Variants in ARK2N observed in about 807,000 individuals in gnomAD.
ARK2N encodes the protein protein ARK2N.
chr18:46,194,138 G>C, the ARK2N span, among the ~76,000 whole-genome samples: 1 of 152,036 alleles, frequency 6.6e-6, no homozygotes, highest in Admixed American at 6.6e-5. Flanking sequence ...TTTTTGTATA[G>C]ATGGGGTCTG....
At chr18:46,176,709 C>G in the ARK2N span, among the ~76,000 whole-genome samples, 1 of 152,092 alleles carries the variant, frequency 6.6e-6, no homozygotes, top group Non-Finnish European at 1.5e-5. Context: ...CCTCCACCTC[C>G]TGGGTTCAAG....
the ARK2N span, among the ~76,000 whole-genome samples, chr18:46,181,475 G>C: frequency 8.1e-6 from 1 of 123,214 alleles, no homozygotes; most frequent in Non-Finnish European, 1.6e-5. Flanking sequence ...CAGCACTTTG[G>C]GAGGCTGAGG....
At chr18:46,238,110 T>C in the ARK2N span, among the ~76,000 whole-genome samples, 4 of 152,226 alleles carry the variant, frequency 2.6e-5, no homozygotes, top group Non-Finnish European at 4.4e-5. Context: ...TATACACTTA[T>C]ACTTTTTTGC....
chr18:46,249,744 A>G, the ARK2N span, among the ~76,000 whole-genome samples: 18 of 152,302 alleles, frequency 1.2e-4, no homozygotes, highest in African/African-American at 4.1e-4. Context: ...CCTCAAGCCC[A>G]TATTCCTTAC....
the ARK2N span, among the ~76,000 whole-genome samples, chr18:46,261,428 G>A: frequency 6.6e-6 from 1 of 152,200 alleles, no homozygotes; most frequent in Non-Finnish European, 1.5e-5. Context: ...TGTCCAATGA[G>A]ATAATATATG....
the ARK2N span, among the ~76,000 whole-genome samples, chr18:46,201,781 T>TTTC: frequency 1.4e-5 from 2 of 140,338 alleles, no homozygotes; most frequent in African/African-American, 5.7e-5. Flanking sequence ...TTTCTTTTCT[T>TTTC]TTTTTTTTTT....
the ARK2N span, among the ~76,000 whole-genome samples, chr18:46,174,550 C>T: frequency 2.0e-5 from 3 of 152,182 alleles, no homozygotes; most frequent in Non-Finnish European, 2.9e-5. Flanking sequence ...ACCTCTCCGA[C>T]CTCCTTGCTC....
chr18:46,193,485 C>T, the ARK2N span, among the ~76,000 whole-genome samples: 2 of 151,574 alleles, frequency 1.3e-5, no homozygotes, highest in Non-Finnish European at 2.9e-5. Flanking sequence ...GATGGGGTTT[C>T]ACCACGTTGG....
the ARK2N span, among the ~76,000 whole-genome samples, chr18:46,222,699 TG>T: frequency 6.6e-6 from 1 of 152,214 alleles, no homozygotes; most frequent in Non-Finnish European, 1.5e-5. Context: ...TTTTTGTCAT[TG>T]TTTTTTAATA....
chr18:46,263,424 A>G, the ARK2N span: 1 of 215,148 alleles, frequency 4.6e-6, no homozygotes, highest in Non-Finnish European at 9.4e-6. Context: ...TTCCTTTTAG[A>G]ATAATATTTT....
chr18:46,180,299 C>T, the ARK2N span, among the ~76,000 whole-genome samples: 1 of 152,292 alleles, frequency 6.6e-6, no homozygotes, highest in East Asian at 1.9e-4. Context: ...GACAATTAAT[C>T]TAAAGTGGAA....
the ARK2N span, chr18:46,218,823 A>G: frequency 6.6e-6 from 1 of 152,226 alleles, no homozygotes; most frequent in Non-Finnish European, 1.5e-5. Context: ...CAACATGGAC[A>G]TTCAGGTGAA....
chr18:46,208,917 T>G, the ARK2N span, among the ~76,000 whole-genome samples: 2 of 152,172 alleles, frequency 1.3e-5, no homozygotes, highest in Admixed American at 1.3e-4. Flanking sequence ...AGTATGTAAT[T>G]TTACCAAAGG....
chr18:46,207,293 T>C, the ARK2N span, among the ~76,000 whole-genome samples: 1 of 152,028 alleles, frequency 6.6e-6, no homozygotes, highest in Non-Finnish European at 1.5e-5. Flanking sequence ...TAACATATGA[T>C]AAAAATTGAT....
At chr18:46,175,059 G>T in the ARK2N span, among the ~76,000 whole-genome samples, 2 of 152,126 alleles carry the variant, frequency 1.3e-5, no homozygotes, top group Non-Finnish European at 2.9e-5. Flanking sequence ...ACGAACCCGT[G>T]TTAAAGACTA....
chr18:46,198,162 TATGG>T, the ARK2N span, among the ~76,000 whole-genome samples: 1 of 151,450 alleles, frequency 6.6e-6, no homozygotes, highest in Admixed American at 6.6e-5. Flanking sequence ...GTTAGCCGGG[TATGG>T]TGGTGGCGCC....
chr18:46,199,658 T>A, the ARK2N span, among the ~76,000 whole-genome samples: 2 of 152,092 alleles, frequency 1.3e-5, no homozygotes, highest in Admixed American at 6.6e-5. Flanking sequence ...TGTAGGAGAT[T>A]TGGAGAGTGG....
chr18:46,214,952 G>C, the ARK2N span, among the ~76,000 whole-genome samples: 1 of 152,266 alleles, frequency 6.6e-6, no homozygotes, highest in South Asian at 2.1e-4. Flanking sequence ...AGACAAGTTG[G>C]ATGCATAGTA....
At chr18:46,226,384 C>T in the ARK2N span, among the ~76,000 whole-genome samples, 1 of 152,124 alleles carries the variant, frequency 6.6e-6, no homozygotes, top group East Asian at 1.9e-4. Context: ...AGGCATCAGC[C>T]AGTGGAATTT....
Sources: allele counts gnomAD v4.1 joint callset (sites outside exome capture counted in the v4.1 genomes callset), GRCh38; gene constraint gnomAD v4.1.1; transcripts MANE v1.5; gene names NCBI Gene and HGNC (gene_info 2026-07-23, HGNC 2026-07-21).